Variants in ZRANB3 observed in about 807,000 individuals in gnomAD.
ZRANB3 encodes DNA annealing helicase and endonuclease ZRANB3.
A neutral mutation model predicts 133.8 loss-of-function variants in ZRANB3; 125 were observed. The observed-to-expected ratio is 0.93, with a 90% CI of 0.81 to 1.08. ZRANB3 has a LOEUF of 1.08. Ranked by LOEUF, ZRANB3 falls within the 50% of genes least tolerant of loss-of-function variation. The probability of loss-of-function intolerance (pLI) is 0.00; values close to 1 mark genes in which losing one functional copy is unlikely to be tolerated. For missense variants in ZRANB3, 1,229 were observed against 1,275.5 expected (o/e 0.96, Z 0.56); for synonymous variants, 387 against 432.7 (o/e 0.89, Z 1.31).
chr2:135,476,465 T>C (rs945292022), intron 2 of ZRANB3, among the ~76,000 whole-genome samples: 1 of 152,132 alleles, frequency 6.6e-6, no homozygotes, highest in South Asian at 2.1e-4. Context: ...ATGTTCATAA[T>C]TATTAAAGTT....
intron 17 of ZRANB3, among the ~76,000 whole-genome samples, chr2:135,214,003 C>T (rs1694206356): frequency 6.6e-6 from 1 of 152,092 alleles, no homozygotes; most frequent in Admixed American, 6.6e-5. Context: ...AAACAGGAAC[C>T]TCAGTCCTAC....
chr2:135,447,217 T>C (rs1179430074), intron 2 of ZRANB3, among the ~76,000 whole-genome samples: 1 of 152,056 alleles, frequency 6.6e-6, no homozygotes, highest in African/African-American at 2.4e-5. Context: ...TTTTGTATTT[T>C]TAGTAGAGAT....
intron 2 of ZRANB3, among the ~76,000 whole-genome samples, chr2:135,463,423 T>G (rs562212291): frequency 7.6e-5 from 11 of 145,464 alleles, no homozygotes; most frequent in Middle Eastern, 3.5e-3. Flanking sequence ...GAATATGTTG[T>G]TTTTTTTTTT....
chr2:135,331,083 C>T (rs1165475384), intron 6 of ZRANB3, among the ~76,000 whole-genome samples: 1 of 151,848 alleles, frequency 6.6e-6, no homozygotes, highest in Admixed American at 6.6e-5. Context: ...ATTAGTTAAA[C>T]TATTTCCTGC....
chr2:135,423,487 C>G (rs529894908), intron 2 of ZRANB3, among the ~76,000 whole-genome samples: 3 of 152,276 alleles, frequency 2.0e-5, no homozygotes, highest in South Asian at 4.1e-4. Flanking sequence ...CCACCAGTCA[C>G]TGGATTTAGG....
chr2:135,511,460 T>C (rs184425103), intron 1 of ZRANB3: 4 of 837,250 alleles, frequency 4.8e-6, no homozygotes, highest in East Asian at 2.4e-5. Flanking sequence ...CCTGAGGTGT[T>C]TGCTGTCTTT....
intron 3 of ZRANB3, among the ~76,000 whole-genome samples, chr2:135,372,720 G>A (rs1038072423): frequency 6.6e-6 from 1 of 150,818 alleles, no homozygotes; most frequent in African/African-American, 2.4e-5. Context: ...CCGGGAGGCG[G>A]AGCTTGCAGT....
chr2:135,407,529 A>G (rs1183530910), intron 2 of ZRANB3, among the ~76,000 whole-genome samples: 1 of 146,738 alleles, frequency 6.8e-6, no homozygotes, highest in African/African-American at 2.7e-5. Context: ...ATCCTAAGCC[A>G]AAAGAACAAA....
chr2:135,309,835 C>T (rs960956928), intron 8 of ZRANB3, among the ~76,000 whole-genome samples: 3 of 152,158 alleles, frequency 2.0e-5, no homozygotes, highest in Admixed American at 1.3e-4. Flanking sequence ...ACTTAAAATG[C>T]TGATTCTAAA....
chr2:135,233,489 C>G (rs555233460), intron 12 of ZRANB3, among the ~76,000 whole-genome samples: 6 of 152,108 alleles, frequency 3.9e-5, no homozygotes, highest in African/African-American at 1.2e-4. Context: ...GACATACAAT[C>G]GTCAGATTCA....
chr2:135,442,368 A>G (rs1215602234), intron 2 of ZRANB3, among the ~76,000 whole-genome samples: 1 of 152,210 alleles, frequency 6.6e-6, no homozygotes, highest in Non-Finnish European at 1.5e-5. Context: ...AAATAACCCC[A>G]TCCAAAAGTG....
rs945163473 is a variant in ZRANB3 at position 135,381,933 on chromosome 2, C to T, written c.180+8869G>A. Among the ~76,000 whole-genome samples the T allele has an allele frequency of 3.9e-5, 6 of 152,130 alleles. No homozygotes were observed. In the South Asian group the frequency reaches 6.2e-4, roughly 16 times the overall value. The stretch of plus-strand genomic sequence containing the variant: ...AAACTGAAAATTCTAAAAATCAGAG[C>T]GCCTCTCCTCCTCCAGAGGAACGCA... On this transcript the variant is annotated intron_variant, in intron 3 of 20. Transcript: ENST00000264159.
At chr2:135,272,175 C>T (rs1270309712) in intron 9 of ZRANB3, among the ~76,000 whole-genome samples, 2 of 152,108 alleles carry the variant, frequency 1.3e-5, no homozygotes, top group African/African-American at 4.8e-5. Flanking sequence ...GCAGAAGCTC[C>T]ACAAATCTTT....
rs1401853702 is a variant in ZRANB3 at position 135,265,625 on chromosome 2, T to C, written c.1448A>G (p.Asp483Gly). The C allele has an allele frequency of 6.2e-7, 1 of 1,613,632 alleles. No homozygotes were observed. The highest frequency in any genetic ancestry group is 1.3e-5 in the African/African-American group (1 of 74,934). The change falls in exon 12 of 21, where the codon GAT becomes GGT. Residue 483 changes from aspartate to glycine, a missense_variant. Physicochemically the swap from Asp to Gly is moderately conservative, Grantham distance 94. Coordinates refer to ENST00000264159, the MANE Select transcript of ZRANB3 (RefSeq NM_032143.4). ...RKEKIQAEEG[D>G]KEKWDFLQFA... ...CTGCAGGAAATCCCATTTTTCCTTA[T>C]CACCTTCCTCAGCCTGAATTTTTTC...
At chr2:135,499,001 T>C (rs1692814150) in intron 2 of ZRANB3, among the ~76,000 whole-genome samples, 1 of 152,180 alleles carries the variant, frequency 6.6e-6, no homozygotes. Context: ...ATTTGCCTTA[T>C]GATATTTTAC....
chr2:135,457,062 C>T lies in ZRANB3; in HGVS notation c.161+47267G>A, dbSNP rs78092258. ...CTAATTCCAGGACATTTCATAAATA[C>T]GCCATCATACAATAAGTGGCCTCTT... On this transcript the variant is annotated intron_variant, in intron 2 of 20. Coordinates refer to ENST00000264159, the MANE Select transcript of ZRANB3 (RefSeq NM_032143.4). Among the ~76,000 whole-genome samples the T allele has an allele frequency of 7.2e-3, 1,100 of 152,256 alleles. 11 individuals are homozygous for T. Among genetic ancestry groups the T allele is most frequent in the African/African-American group, 0.024 (1,009 of 41,550 alleles).
At chr2:135,253,102 T>C (rs974391355) in intron 12 of ZRANB3, among the ~76,000 whole-genome samples, 3 of 152,210 alleles carry the variant, frequency 2.0e-5, no homozygotes, top group Non-Finnish European at 2.9e-5. Context: ...AGTAGACCTG[T>C]AAGTGCCTGA....
intron 12 of ZRANB3, among the ~76,000 whole-genome samples, chr2:135,232,518 G>A (rs907985953): frequency 1.4e-4 from 21 of 152,226 alleles, no homozygotes; most frequent in Admixed American, 3.3e-4. Context: ...CCTGAACCCC[G>A]AGTAGCCTAA....
intron 8 of ZRANB3, among the ~76,000 whole-genome samples, chr2:135,302,618 TGA>T (rs1448042831): frequency 6.6e-6 from 1 of 151,646 alleles, no homozygotes; most frequent in African/African-American, 2.4e-5. Flanking sequence ...CTCCACCTCC[TGA>T]GCTCAAGCGA....
Sources: gnomAD v4.1 joint callset for allele counts (sites outside exome capture counted in the v4.1 genomes callset) on GRCh38, gnomAD v4.1.1 for gene constraint, MANE v1.5 for transcripts, NCBI Gene and HGNC (gene_info 2026-07-23, HGNC 2026-07-21) for gene names.